The following EGFL6 variants were observed in gnomAD, a reference collection of about 807,000 sequenced individuals.
EGFL6 encodes the protein epidermal growth factor-like protein 6.
A neutral mutation model predicts 43.1 loss-of-function variants in EGFL6; 42 were observed. The ratio of observed to expected loss-of-function variants is 0.98; its 90% CI spans 0.76 to 1.26. EGFL6 has a LOEUF of 1.26. EGFL6 is among the 50% of genes most tolerant of loss of function. The pLI, the probability that EGFL6 is intolerant of heterozygous loss-of-function variation, is 0.00. For synonymous variants in EGFL6, 164 were observed against 163.2 expected, an observed-to-expected ratio of 1.01 and a Z score of -0.04; for missense variants, 429 against 427.8, an observed-to-expected ratio of 1.00 and a Z score of -0.02.
intron 7 of EGFL6, among the ~76,000 whole-genome samples, chrX:13,609,627 G>A (rs1020286957): frequency 1.8e-5 from 2 of 110,742 alleles, no homozygotes; most frequent in African/African-American, 6.6e-5. Flanking sequence ...GGTGGTGCAC[G>A]TCTCTAATCC....
chrX:13,626,539 C>T (rs2045781406), intron 10 of EGFL6, among the ~76,000 whole-genome samples: 1 of 111,942 alleles, frequency 8.9e-6, no homozygotes, highest in Non-Finnish European at 1.9e-5. Context: ...TCCATGAAAC[C>T]ACTAGTACAG....
intron 2 of EGFL6, among the ~76,000 whole-genome samples, chrX:13,592,669 AG>A (rs1350293273): frequency 9.1e-6 from 1 of 110,334 alleles, no homozygotes; most frequent in East Asian, 2.9e-4. Flanking sequence ...GGGCATTCAT[AG>A]GTGGCTGGAG....
Position 13,617,448 on chromosome X carries a change from G to A in EGFL6, c.779-282G>A, listed in dbSNP as rs191846164. 4.5e-3 allele frequency among the ~76,000 whole-genome samples: 505 copies of A among 112,320 alleles called. 4 individuals carry two copies. Among genetic ancestry groups the A allele is most frequent in the South Asian group, 0.035 (95 of 2,713 alleles). ...ACGAACATGGCAAATCCATGTCTTT[G>A]GGATCTGTAGCCCAACTGGGTAGTA... On this transcript the variant is annotated intron_variant, in intron 7 of 11. Coordinates refer to ENST00000361306, the MANE Select transcript of EGFL6 (RefSeq NM_015507.4).
intron 3 of EGFL6, among the ~76,000 whole-genome samples, chrX:13,598,507 A>G (rs1049128318): frequency 9.1e-6 from 1 of 110,259 alleles, no homozygotes; most frequent in South Asian, 3.8e-4. Context: ...TTAAAGTTCT[A>G]TTTTCCTTCT....
chrX:13,576,798 C>T (rs1269107091), intron 1 of EGFL6, among the ~76,000 whole-genome samples: 1 of 111,040 alleles, frequency 9.0e-6, no homozygotes, highest in African/African-American at 3.3e-5. Context: ...AATGATTTGC[C>T]CAGAATCTCA....
intron 7 of EGFL6, among the ~76,000 whole-genome samples, chrX:13,610,873 G>T: frequency 9.0e-6 from 1 of 111,028 alleles, no homozygotes; most frequent in Non-Finnish European, 1.9e-5. Context: ...ACAGTCCCTT[G>T]GAGCTCCCTA....
chrX:13,593,977 T>C (rs140194309), intron 2 of EGFL6, among the ~76,000 whole-genome samples: 408 of 111,693 alleles, frequency 3.7e-3, no homozygotes, highest in African/African-American at 0.012. Context: ...CTATTATGGC[T>C]ATTTCTTGAG....
intron 1 of EGFL6, among the ~76,000 whole-genome samples, chrX:13,576,905 T>C (rs916654911): frequency 8.9e-5 from 10 of 111,873 alleles, no homozygotes; most frequent in African/African-American, 2.6e-4. Flanking sequence ...CAGTAGTACT[T>C]CTAGTTTCAT....
intron 11 of EGFL6, among the ~76,000 whole-genome samples, chrX:13,630,122 C>G (rs1359280685): frequency 9.9e-5 from 11 of 111,380 alleles, no homozygotes. Flanking sequence ...CATGGCTCCC[C>G]TCACCACTTC....
intron 4 of EGFL6, among the ~76,000 whole-genome samples, chrX:13,602,476 G>A (rs1210266187): frequency 8.9e-6 from 1 of 112,211 alleles, no homozygotes; most frequent in Non-Finnish European, 1.9e-5. Context: ...TCAAGAAGAA[G>A]TCCATCTCTG....
At chrX:13,600,718 C>T (rs747986618) in intron 4 of EGFL6, among the ~76,000 whole-genome samples, 182 of 91,658 alleles carry the variant, frequency 2.0e-3, no homozygotes, top group African/African-American at 6.6e-3. Flanking sequence ...GCCAACATGA[C>T]GAAACCCTGT....
chrX:13,591,447 C>T (rs944925018), intron 2 of EGFL6, among the ~76,000 whole-genome samples: 1 of 111,810 alleles, frequency 8.9e-6, no homozygotes, highest in Non-Finnish European at 1.9e-5. Context: ...GTCAGCACAC[C>T]TACTGCTCCA....
chrX:13,606,514 G>A lies in EGFL6; in HGVS notation c.655+1G>A. On this transcript the variant is annotated splice_donor_variant, in intron 6 of 11. Transcript: ENST00000361306. LOFTEE classifies it high-confidence loss of function. ...ATCAGTGGACGATATGACTGTATAG[G>A]TAAGATTCGATGGCACCTTTTCCTT... 2 of 1,208,437 alleles carry A rather than the reference G, an allele frequency of 1.7e-6. No homozygotes were observed. The highest frequency in any genetic ancestry group is 2.2e-6 in the Non-Finnish European group (2 of 893,710).
chrX:13,571,833 A>G (rs1424079679), intron 1 of EGFL6, among the ~76,000 whole-genome samples: 1 of 111,799 alleles, frequency 8.9e-6, no homozygotes, highest in South Asian at 3.7e-4. Context: ...TCAGCTCTAG[A>G]TTCCACATTA....
Position 13,579,565 on chromosome X carries a change from T to C in EGFL6, c.74+9630T>C, listed in dbSNP as rs774391857. On this transcript the variant is annotated intron_variant, in intron 1 of 11. Coordinates refer to ENST00000361306, the MANE Select transcript of EGFL6 (RefSeq NM_015507.4). ...AGTGCTGCAATGAACACTGTGTGCA[T>C]GTGTCTTTATGGTACAATGATTTAT... Among the ~76,000 whole-genome samples the C allele has an allele frequency of 2.4e-4, 27 of 111,971 alleles. No individual in the cohort carries two copies. In the South Asian group the frequency reaches 0.01, roughly 42 times the overall value.
chrX:13,627,264 T>C lies in EGFL6; in HGVS notation c.1539T>C (p.Asp513=), dbSNP rs1246674039. 5 of 1,202,506 alleles carry C rather than the reference T, an allele frequency of 4.2e-6. No individual in the cohort carries two copies. Among genetic ancestry groups the C allele is most frequent in the Non-Finnish European group, 5.6e-6 (5 of 888,943 alleles). Residue 513 remains aspartate, a synonymous_variant, in exon 11 of 12, where the codon GAT becomes GAC. Transcript: ENST00000361306. The part of the protein sequence containing the change: ...TGKIQLYQGT[D]ATKSIIFEAE... ...AAATTCAGTTGTATCAAGGAACTGA[T>C]GCTACCAAAAGCGTAAGTGGGAAAA...
chrX:13,621,508 G>C (rs2045748452), intron 9 of EGFL6, among the ~76,000 whole-genome samples: 1 of 112,163 alleles, frequency 8.9e-6, no homozygotes, highest in African/African-American at 3.2e-5. Flanking sequence ...CGACAAGACA[G>C]GGGAAGCCTG....
chrX:13,597,555 G>C (rs1395028390), intron 3 of EGFL6, among the ~76,000 whole-genome samples: 1 of 111,734 alleles, frequency 8.9e-6, no homozygotes, highest in African/African-American at 3.3e-5. Flanking sequence ...AGGTCGAGGT[G>C]GGTGGATCAC....
At position 13,606,440 on chromosome X, in the gene EGFL6, A is replaced by T. The variant is rs147812614; in HGVS notation, c.582A>T (p.Thr194=). Residue 194 remains threonine (T), a synonymous_variant, in exon 6 of 12, where the codon ACA becomes ACT. Coordinates refer to ENST00000361306, the MANE Select transcript of EGFL6 (RefSeq NM_015507.4). ...CCTACAATCGAAGATGTGTGAACAC[A>T]TTTGGAAGCTACTACTGCAAATGTC... ...ICPYNRRCVN[T]FGSYYCKCHI... is the part of the protein sequence containing the mutation. 2.6e-4 allele frequency: 318 copies of T among 1,209,573 alleles called. No individual in the cohort carries two copies. The African/African-American group carries it at 5.1e-3, about 19-fold the overall frequency.
Sources: allele counts gnomAD v4.1 joint callset (sites outside exome capture counted in the v4.1 genomes callset), GRCh38; gene constraint gnomAD v4.1.1; transcripts MANE v1.5; gene names NCBI Gene and HGNC (gene_info 2026-07-23, HGNC 2026-07-21).